Variants in UNC13B observed in about 807,000 individuals in gnomAD.
UNC13B encodes the protein protein unc-13 homolog B.
UNC13B carries 144 observed loss-of-function variants against 211.0 expected under a neutral mutation model. The ratio of observed to expected loss-of-function variants is 0.68; its 90% CI spans 0.60 to 0.78. The LOEUF (loss-of-function observed/expected upper bound fraction) is 0.78. Among genes scored for constraint, UNC13B ranks in the 30% least tolerant of loss-of-function variants. The pLI, the probability that UNC13B is intolerant of heterozygous loss-of-function variation, is 0.00. For synonymous variants in UNC13B, 709 were observed against 725.8 expected (o/e 0.98, Z 0.37); for missense variants, 1,777 against 2,002.0 (o/e 0.89, Z 2.14).
At chr9:35,265,946 C>T (rs1399494180) in intron 7 of UNC13B, among the ~76,000 whole-genome samples, 1 of 152,164 alleles carries the variant, frequency 6.6e-6, no homozygotes, top group Non-Finnish European at 1.5e-5. Flanking sequence ...CTGCCTCAGC[C>T]TCCGAGTAGC....
At chr9:35,167,586 GTTT>G (rs35751450) in intron 1 of UNC13B, among the ~76,000 whole-genome samples, 4 of 114,978 alleles carry the variant, frequency 3.5e-5, no homozygotes, top group African/African-American at 3.2e-5. Flanking sequence ...ATCTTTGTAG[GTTT>G]TTTTTTTTTT....
chr9:35,275,486 AT>A, intron 7 of UNC13B, among the ~76,000 whole-genome samples: 1 of 152,152 alleles, frequency 6.6e-6, no homozygotes, highest in African/African-American at 2.4e-5. Flanking sequence ...CATCGTTAGC[AT>A]TTTCTTGTGA....
At chr9:35,228,851 T>A (rs1433490667) in intron 2 of UNC13B, among the ~76,000 whole-genome samples, 1 of 152,022 alleles carries the variant, frequency 6.6e-6, no homozygotes, top group Admixed American at 6.6e-5. Flanking sequence ...TTGATTAATA[T>A]TTAGGTTCCC....
chr9:35,259,978 G>A (rs1383337456), intron 7 of UNC13B, among the ~76,000 whole-genome samples: 2 of 120,124 alleles, frequency 1.7e-5, no homozygotes, highest in Non-Finnish European at 1.6e-5. Flanking sequence ...GAGGCAGGAG[G>A]ATTTCTTGAG....
chr9:35,356,660 C>T (rs1171843927), intron 11 of UNC13B, among the ~76,000 whole-genome samples: 4 of 152,200 alleles, frequency 2.6e-5, no homozygotes, highest in South Asian at 2.1e-4. Context: ...AGTATTGAAT[C>T]GAATGGTTTT....
At chr9:35,376,371 A>C in intron 15 of UNC13B, 124 bp downstream of exon 15, 2 of 970,368 alleles carry the variant, frequency 2.1e-6, no homozygotes, top group Non-Finnish European at 3.1e-6. Context: ...CTGAAACCCT[A>C]TCCATTTCAG....
intron 22 of UNC13B, chr9:35,384,882 TGGCTTCATTACTTGCTTTAAA>T (rs1327421171): frequency 1.1e-5 from 7 of 662,198 alleles, no homozygotes; most frequent in South Asian, 6.8e-5. Flanking sequence ...ATCTTAGAAA[TGGCTTCATTACTTGCTTTAAA>T]GTGTGTGAAT....
intron 11 of UNC13B, among the ~76,000 whole-genome samples, chr9:35,339,920 C>T (rs1007369567): frequency 6.6e-6 from 1 of 152,226 alleles, no homozygotes; most frequent in Non-Finnish European, 1.5e-5. Context: ...ATCTTTCCCA[C>T]TCTTGAAAGT....
At chr9:35,267,443 T>G (rs1301883601) in intron 7 of UNC13B, among the ~76,000 whole-genome samples, 2 of 152,186 alleles carry the variant, frequency 1.3e-5, no homozygotes, top group Non-Finnish European at 2.9e-5. Context: ...TGCAGTGTCT[T>G]TTTAAAAATT....
At chr9:35,386,392 C>T (rs1244794693) in intron 24 of UNC13B, 99 bp downstream of exon 24, 34 of 1,508,130 alleles carry the variant, frequency 2.3e-5, no homozygotes, top group Non-Finnish European at 2.9e-5. Flanking sequence ...GGACAAAGTA[C>T]TTGATGTTCT....
Position 35,302,994 on chromosome 9 carries a change from A to G in UNC13B, c.3590A>G (p.Asp1197Gly), listed in dbSNP as rs889740251. 2.5e-6 allele frequency: 1 copy of G among 398,756 alleles called. No individual in the cohort carries two copies. The highest frequency in any genetic ancestry group is 4.4e-6 in the Non-Finnish European group (1 of 225,782). 24.7% of individuals were successfully genotyped at this position (398,756 alleles called of 1,614,324 possible). The change falls in exon 9 of 40, where the codon GAT (aspartate) becomes GGT (glycine). Residue 1197 changes from aspartate to glycine, a missense_variant. By Grantham distance (94) the Asp-to-Gly change is moderately conservative. Transcript: ENST00000635942. ...FNLLSNSGMI[D>G]HKPEEAKFMS... Reference sequence around the variant, plus strand: ...CTGCTATCAAATAGCGGTATGATTGATCATAAACCAGAGGAAGCAAAGTTC... The same window carrying G: ...CTGCTATCAAATAGCGGTATGATTGGTCATAAACCAGAGGAAGCAAAGTTC...
At chr9:35,191,782 A>G (rs949240460) in intron 1 of UNC13B, among the ~76,000 whole-genome samples, 11 of 152,238 alleles carry the variant, frequency 7.2e-5, no homozygotes, top group Admixed American at 7.2e-4. Flanking sequence ...TTCCAAGTAC[A>G]TGAAACAAGA....
chr9:35,297,581 G>A (rs1459960081), intron 8 of UNC13B, among the ~76,000 whole-genome samples: 2 of 73,026 alleles, frequency 2.7e-5, no homozygotes, highest in Admixed American at 1.4e-4. Context: ...ACGGAGTCTC[G>A]CTCTTTCGCC....
chr9:35,169,839 T>C (rs1484053438), intron 1 of UNC13B, among the ~76,000 whole-genome samples: 1 of 152,252 alleles, frequency 6.6e-6, no homozygotes, highest in Non-Finnish European at 1.5e-5. Context: ...GCCAATAAGC[T>C]TAATTTTTAT....
rs374242407 is a variant in UNC13B, at chr9:35,310,517, G to C, written c.9059G>C (p.Ser3020Thr). 6 of 1,614,110 alleles carry C rather than the reference G, an allele frequency of 3.7e-6. No homozygotes were observed. The highest frequency in any genetic ancestry group is 5.1e-6 in the Non-Finnish European group (6 of 1,180,022). ...YGSSCNVSQG[S>T]SQLSELDQYH... ...TCCTCCTGTAATGTGAGTCAAGGAAGCTCTCAGCTAAGTGAACTAGACCAG... is the reference window on the plus strand; with the variant it reads ...TCCTCCTGTAATGTGAGTCAAGGAACCTCTCAGCTAAGTGAACTAGACCAG... The change falls in exon 10 of 40, where the codon AGC (serine) becomes ACC (threonine). Residue 3020 changes from serine to threonine, a missense_variant. Coordinates refer to ENST00000635942, the MANE Select transcript of UNC13B (RefSeq NM_001371189.2).
intron 11 of UNC13B, among the ~76,000 whole-genome samples, chr9:35,316,860 G>C (rs1830484501): frequency 6.6e-6 from 1 of 151,866 alleles, no homozygotes; most frequent in Non-Finnish European, 1.5e-5. Flanking sequence ...TGTACAATCA[G>C]ACCTTAAAGT....
intron 11 of UNC13B, among the ~76,000 whole-genome samples, chr9:35,359,809 G>T: frequency 6.6e-6 from 1 of 152,132 alleles, no homozygotes; most frequent in East Asian, 1.9e-4. Context: ...GATTACTGCA[G>T]TGGTCTCACT....
intron 1 of UNC13B, among the ~76,000 whole-genome samples, chr9:35,216,897 A>G (rs1364056036): frequency 6.6e-6 from 1 of 152,026 alleles, no homozygotes; most frequent in African/African-American, 2.4e-5. Flanking sequence ...TGCTGAGTGG[A>G]AAAAAAACAA....
At chr9:35,279,403 C>T (rs147045959) in intron 7 of UNC13B, among the ~76,000 whole-genome samples, 148 of 152,250 alleles carry the variant, frequency 9.7e-4, no homozygotes, top group African/African-American at 3.4e-3. Flanking sequence ...AATACTAATT[C>T]ATTGTACAGA....
Sources: allele counts gnomAD v4.1 joint callset (sites outside exome capture counted in the v4.1 genomes callset), GRCh38; gene constraint gnomAD v4.1.1; transcripts MANE v1.5; gene names NCBI Gene and HGNC (gene_info 2026-07-23, HGNC 2026-07-21).